SLC25A21: variants seen among roughly 807,000 people sequenced by gnomAD.
SLC25A21 encodes solute carrier family 25 member 21, also known as mitochondrial 2-oxodicarboxylate carrier.
A neutral mutation model predicts 43.8 loss-of-function variants in SLC25A21; 47 were observed. That is an observed-to-expected ratio of 1.07 (90% CI 0.85 to 1.37). The LOEUF is 1.37. Ranked by LOEUF, SLC25A21 falls within the 40% of genes most tolerant of loss-of-function variation. The pLI is 0.00. For missense variants in SLC25A21, 352 were observed against 350.2 expected (o/e 1.00, Z -0.04); for synonymous variants, 131 against 121.3 (o/e 1.08, Z -0.52).
At chr14:36,980,987 C>T (rs1960007057) in intron 1 of SLC25A21, among the ~76,000 whole-genome samples, 1 of 151,926 alleles carries the variant, frequency 6.6e-6, no homozygotes, top group Non-Finnish European at 1.5e-5. Flanking sequence ...CTTAAGTTTA[C>T]AAGAAAAAAT....
At chr14:37,041,704 G>C (rs1961476247) in intron 1 of SLC25A21, among the ~76,000 whole-genome samples, 1 of 152,186 alleles carries the variant, frequency 6.6e-6, no homozygotes, top group Admixed American at 6.5e-5. Context: ...GTCAAGTCCA[G>C]CCATGTGCTT....
At chr14:36,914,587 C>T (rs712395) in intron 1 of SLC25A21, among the ~76,000 whole-genome samples, 114,514 of 152,036 alleles carry the variant, frequency 0.75, 44,068 homozygotes, top group African/African-American at 0.89. Context: ...TTTCTTTGCA[C>T]TGGAAAAAGA....
chr14:37,044,440 G>T (rs1278205345), intron 1 of SLC25A21, among the ~76,000 whole-genome samples: 1 of 151,930 alleles, frequency 6.6e-6, no homozygotes, highest in Non-Finnish European at 1.5e-5. Flanking sequence ...CAAACTAAAG[G>T]TACTCTTATC....
At chr14:36,886,865 C>A (rs576402737) in intron 1 of SLC25A21, among the ~76,000 whole-genome samples, 1 of 152,076 alleles carries the variant, frequency 6.6e-6, no homozygotes, top group South Asian at 2.1e-4. Flanking sequence ...CTATTTTAGA[C>A]CCCAAGCAAG....
chr14:36,749,607 C>T (rs1368583122), intron 3 of SLC25A21, among the ~76,000 whole-genome samples: 2 of 152,204 alleles, frequency 1.3e-5, no homozygotes, highest in African/African-American at 4.8e-5. Context: ...CCTCCTGCTG[C>T]ATTCTACCTT....
chr14:37,056,095 G>T (rs1228427773), intron 1 of SLC25A21, among the ~76,000 whole-genome samples: 8 of 152,120 alleles, frequency 5.3e-5, no homozygotes, highest in Non-Finnish European at 1.0e-4. Context: ...GTGAAGATGT[G>T]CCCTCTTCCC....
At chr14:36,909,630 T>C (rs999047711) in intron 1 of SLC25A21, among the ~76,000 whole-genome samples, 2 of 152,176 alleles carry the variant, frequency 1.3e-5, no homozygotes, top group African/African-American at 4.8e-5. Flanking sequence ...ATTCAGGACA[T>C]AATGTCAGAT....
chr14:36,865,722 T>C (rs571170739), intron 2 of SLC25A21, among the ~76,000 whole-genome samples: 7 of 151,922 alleles, frequency 4.6e-5, no homozygotes, highest in African/African-American at 7.2e-5. Flanking sequence ...ACCAGGGAGG[T>C]TGTTAAACAT....
At chr14:36,940,458 A>C (rs1316171754) in intron 1 of SLC25A21, among the ~76,000 whole-genome samples, 1 of 152,132 alleles carries the variant, frequency 6.6e-6, no homozygotes, top group Non-Finnish European at 1.5e-5. Flanking sequence ...TTAACTTTAA[A>C]GGCATGAGGG....
At chr14:36,861,597 C>T (rs921999675) in intron 2 of SLC25A21, among the ~76,000 whole-genome samples, 1 of 152,196 alleles carries the variant, frequency 6.6e-6, no homozygotes, top group Non-Finnish European at 1.5e-5. Context: ...GAGACACGCA[C>T]CTGCTCTTTA....
chr14:36,725,431 C>G (rs561392795), intron 6 of SLC25A21, 139 bp downstream of exon 6: 1 of 291,086 alleles, frequency 3.4e-6, no homozygotes, highest in East Asian at 1.1e-4. Flanking sequence ...GCCGAGATTG[C>G]GCCATTGCAC....
At chr14:36,798,513 C>T (rs113650245) in intron 3 of SLC25A21, among the ~76,000 whole-genome samples, 6 of 150,224 alleles carry the variant, frequency 4.0e-5, no homozygotes, top group Admixed American at 6.7e-5. Flanking sequence ...CTCATACAGT[C>T]GTTTTATTGC....
chr14:37,062,799 T>C (rs182831016), intron 1 of SLC25A21, among the ~76,000 whole-genome samples: 248 of 152,284 alleles, frequency 1.6e-3, no homozygotes, highest in South Asian at 4.1e-3. Flanking sequence ...GCTGGTGTAA[T>C]AGAGAGGCTA....
chr14:37,110,088 A>C (rs1402676416), intron 1 of SLC25A21, among the ~76,000 whole-genome samples: 2 of 152,218 alleles, frequency 1.3e-5, no homozygotes, highest in African/African-American at 4.8e-5. Context: ...TTCCATAAAG[A>C]ACAGTTTCAT....
intron 7 of SLC25A21, among the ~76,000 whole-genome samples, chr14:36,702,557 C>G (rs574279199): frequency 1.3e-5 from 2 of 150,924 alleles, no homozygotes; most frequent in South Asian, 4.2e-4. Context: ...CCTGCCCCAT[C>G]ATGGGTCTAG....
intron 1 of SLC25A21, among the ~76,000 whole-genome samples, chr14:36,959,765 T>A (rs1275413602): frequency 6.6e-6 from 1 of 152,204 alleles, no homozygotes; most frequent in African/African-American, 2.4e-5. Context: ...TTCCCATGCT[T>A]TTTTGTAATA....
chr14:37,015,526 G>C (rs981909318), intron 1 of SLC25A21, among the ~76,000 whole-genome samples: 7 of 151,732 alleles, frequency 4.6e-5, no homozygotes, highest in Admixed American at 1.3e-4. Flanking sequence ...CTTTATAGCA[G>C]CATGATTTAT....
At chr14:36,879,767 A>T (rs1311915837) in intron 1 of SLC25A21, among the ~76,000 whole-genome samples, 1 of 151,930 alleles carries the variant, frequency 6.6e-6, no homozygotes, top group Non-Finnish European at 1.5e-5. Context: ...TTGACTGATC[A>T]TTAACACCAC....
At chr14:36,711,691 A>G (rs144875904) in intron 6 of SLC25A21, among the ~76,000 whole-genome samples, 93 of 152,346 alleles carry the variant, frequency 6.1e-4, no homozygotes, top group Admixed American at 1.2e-3. Context: ...TATAGAAAAG[A>G]TTGTTGGCAA....
Sources: allele counts gnomAD v4.1 joint callset (sites outside exome capture counted in the v4.1 genomes callset), GRCh38; gene constraint gnomAD v4.1.1; transcripts MANE v1.5; gene names NCBI Gene and HGNC (gene_info 2026-07-23, HGNC 2026-07-21).